ZFHX3: variants seen among roughly 807,000 people sequenced by gnomAD.
ZFHX3 encodes zinc finger homeobox protein 3.
In ZFHX3, 42 loss-of-function variants were observed where a neutral mutation model predicts 279.1. That is an observed-to-expected ratio of 0.15 (90% CI 0.12 to 0.19). ZFHX3 has a LOEUF of 0.19. ZFHX3 is among the 10% of genes least tolerant of loss of function. ZFHX3 has a pLI of 1.00. For synonymous variants in ZFHX3, 2,293 were observed against 1,957.8 expected, an observed-to-expected ratio of 1.17 and a Z score of -4.52; for missense variants, 4,981 against 4,754.0, an observed-to-expected ratio of 1.05 and a Z score of -1.40.
intron 2 of ZFHX3, among the ~76,000 whole-genome samples, chr16:73,654,711 CAT>C (rs1211241451): frequency 1.3e-5 from 2 of 151,428 alleles, no homozygotes; most frequent in African/African-American, 4.9e-5. Context: ...AAGGAGAAAA[CAT>C]AATTATTTCA....
intron 1 of ZFHX3, among the ~76,000 whole-genome samples, chr16:73,036,785 G>A (rs1024308766): frequency 3.9e-5 from 6 of 152,076 alleles, no homozygotes; most frequent in Non-Finnish European, 8.8e-5. Flanking sequence ...GGACAGGTCT[G>A]AACTTCCAGG....
chr16:73,045,639 A>ACAT (rs1449336289), intron 1 of ZFHX3, among the ~76,000 whole-genome samples: 40 of 113,580 alleles, frequency 3.5e-4, no homozygotes, highest in South Asian at 9.5e-4. Flanking sequence ...GCATGGATTT[A>ACAT]CATTATTATT....
chr16:73,297,220 G>C (rs999177244), intron 4 of ZFHX3, among the ~76,000 whole-genome samples: 1 of 151,958 alleles, frequency 6.6e-6, no homozygotes, highest in East Asian at 1.9e-4. Flanking sequence ...TGGAAACTGA[G>C]GTTAAGAAAG....
chr16:73,257,721 T>C (rs2013698624), intron 4 of ZFHX3, among the ~76,000 whole-genome samples: 2 of 152,206 alleles, frequency 1.3e-5, no homozygotes, highest in Non-Finnish European at 2.9e-5. Context: ...GTGAAACTGA[T>C]TGGCTGAAAG....
intron 2 of ZFHX3, among the ~76,000 whole-genome samples, chr16:73,465,032 C>T (rs1307312134): frequency 2.0e-5 from 3 of 152,136 alleles, no homozygotes; most frequent in Admixed American, 6.5e-5. Flanking sequence ...CAGGCTGGCA[C>T]GATCATTAGA....
intron 4 of ZFHX3, among the ~76,000 whole-genome samples, chr16:72,850,739 G>T (rs2037595068): frequency 6.6e-6 from 1 of 152,180 alleles, no homozygotes; most frequent in Admixed American, 6.5e-5. Context: ...ACTGGAGTTT[G>T]CCCCAGATGG....
intron 2 of ZFHX3, among the ~76,000 whole-genome samples, chr16:73,467,196 T>C (rs2018588822): frequency 6.6e-6 from 1 of 152,238 alleles, no homozygotes; most frequent in Non-Finnish European, 1.5e-5. Flanking sequence ...GGGAGACCTA[T>C]GGAGCTCACG....
At chr16:73,058,239 T>TCGG (rs1166220874) in intron 1 of ZFHX3, among the ~76,000 whole-genome samples, 27 of 136,196 alleles carry the variant, frequency 2.0e-4, no homozygotes, top group Admixed American at 1.4e-3. Context: ...CGGCCCGGGC[T>TCGG]CGGCGGCGGC....
chr16:73,011,988 T>C (rs189336525), intron 1 of ZFHX3, among the ~76,000 whole-genome samples: 11 of 151,990 alleles, frequency 7.2e-5, no homozygotes, highest in Admixed American at 3.3e-4. Flanking sequence ...CTGCCACCAC[T>C]GAAATACTAT....
Position 72,795,282 on chromosome 16 carries a change from G to A in ZFHX3, c.7400C>T (p.Pro2467Leu). The A allele has an allele frequency of 6.2e-7, 1 of 1,613,752 alleles. No individual in the cohort carries two copies. The highest frequency in any genetic ancestry group is 8.5e-7 in the Non-Finnish European group (1 of 1,179,868). Residue 2467 changes from proline (P) to leucine (L), a missense_variant, in exon 9 of 10, where the codon CCC (proline) becomes CTC (leucine). Physicochemically the swap from Pro to Leu is moderately conservative, Grantham distance 98. Coordinates refer to ENST00000268489, the MANE Select transcript of ZFHX3 (RefSeq NM_006885.4). ...QEQPEQKTNT[P>L]QQKLPQLVSL... is the part of the protein sequence containing the mutation. ...CACCAGCTGGGGGAGCTTCTGCTGG[G>A]GAGTGTTGGTCTTCTGCTCGGGCTG...
At chr16:73,336,317 T>A (rs1343551430) in intron 3 of ZFHX3, among the ~76,000 whole-genome samples, 2 of 152,170 alleles carry the variant, frequency 1.3e-5, no homozygotes, top group East Asian at 3.9e-4. Context: ...GGGGGTTTGG[T>A]GTACAGGGTA....
intron 3 of ZFHX3, among the ~76,000 whole-genome samples, chr16:73,407,883 A>T (rs1480896767): frequency 6.6e-6 from 1 of 152,128 alleles, no homozygotes; most frequent in Non-Finnish European, 1.5e-5. Context: ...GATTCTTTTT[A>T]TGGCAAAATG....
At chr16:72,858,691 T>C (rs1002098477) in intron 4 of ZFHX3, among the ~76,000 whole-genome samples, 3 of 152,190 alleles carry the variant, frequency 2.0e-5, no homozygotes, top group African/African-American at 7.2e-5. Context: ...CGAGCAGCCG[T>C]GAGTGCTGCA....
chr16:73,044,809 CG>C (rs1402104460), intron 1 of ZFHX3, among the ~76,000 whole-genome samples: 1 of 152,048 alleles, frequency 6.6e-6, no homozygotes, highest in Non-Finnish European at 1.5e-5. Flanking sequence ...TTAGTAGAGA[CG>C]GGGTTTCTCC....
At chr16:73,755,419 T>C (rs767214670) in intron 1 of ZFHX3, among the ~76,000 whole-genome samples, 15 of 152,210 alleles carry the variant, frequency 9.9e-5, no homozygotes, top group African/African-American at 1.7e-4. Context: ...CCAGTTTTAA[T>C]TATATCAATA....
At chr16:73,170,304 C>G (rs1206042008) in intron 5 of ZFHX3, among the ~76,000 whole-genome samples, 2 of 137,328 alleles carry the variant, frequency 1.5e-5, no homozygotes, top group Non-Finnish European at 3.0e-5. Context: ...GATCTCGGCT[C>G]ACTGCAACCT....
At chr16:73,063,197 G>T (rs563397472), upstream of ZFHX3, among the ~76,000 whole-genome samples, 1 of 152,352 alleles carries the variant, frequency 6.6e-6, no homozygotes, top group South Asian at 2.1e-4. Flanking sequence ...GGGAGGAAAG[G>T]GTTAAGCTGC....
At chr16:73,168,986 T>C (rs1036653405) in intron 5 of ZFHX3, among the ~76,000 whole-genome samples, 4 of 152,220 alleles carry the variant, frequency 2.6e-5, no homozygotes, top group Non-Finnish European at 5.9e-5. Flanking sequence ...ATTCAGCTTA[T>C]ATTTCAGAAT....
chr16:73,063,130 G>A (rs7498798), upstream of ZFHX3, among the ~76,000 whole-genome samples: 91,174 of 152,086 alleles, frequency 0.6, 27,694 homozygotes, highest in Admixed American at 0.68. Flanking sequence ...CGGAGGAGGC[G>A]GGCTGCTCGC....
Sources: gnomAD v4.1 joint callset for allele counts (sites outside exome capture counted in the v4.1 genomes callset) on GRCh38, gnomAD v4.1.1 for gene constraint, MANE v1.5 for transcripts, NCBI Gene and HGNC (gene_info 2026-07-23, HGNC 2026-07-21) for gene names.